Variants in SCUBE2 observed in about 807,000 individuals in gnomAD.
SCUBE2 encodes signal peptide, CUB domain and EGF like domain containing 2.
A neutral mutation model predicts 125.9 loss-of-function variants in SCUBE2; 114 were observed. That is an observed-to-expected ratio of 0.91 (90% CI 0.78 to 1.06). The LOEUF (loss-of-function observed/expected upper bound fraction) is 1.06. Ranked by LOEUF, SCUBE2 falls within the 50% of genes least tolerant of loss-of-function variation. SCUBE2 has a pLI of 0.00. For missense variants in SCUBE2, 1,255 were observed against 1,301.8 expected (o/e 0.96, Z 0.55); for synonymous variants, 459 against 492.9 (o/e 0.93, Z 0.91).
chr11:9,050,107 A>G (rs1858195962), intron 14 of SCUBE2: 1 of 153,304 alleles, frequency 6.5e-6, no homozygotes, highest in Non-Finnish European at 1.5e-5. Context: ...CAATAAGGCC[A>G]GTTCTACTTG....
chr11:9,091,337 A>G lies in SCUBE2; in HGVS notation c.133+59T>C, dbSNP rs1862706307. On this transcript the variant is annotated intron_variant, in intron 1 of 22. Coordinates refer to ENST00000649792, the MANE Select transcript of SCUBE2 (RefSeq NM_001367977.2). This position sits in a 1 kb window ranked among gnomAD's most constrained non-coding sequence, Gnocchi z 8.5. ...CGGCTCTGGACTCCGCCGGGGACCT[A>G]AACACTCTTCCTGGCCCTGCCTGCT... 5.8e-6 allele frequency: 7 copies of G among 1,216,856 alleles called. No homozygotes were observed. In the South Asian group the frequency reaches 1.8e-4, roughly 32 times the overall value. The allele number at this position is 1,216,856 out of a possible 1,614,324, so 75.4% of individuals were successfully genotyped here.
intron 7 of SCUBE2, among the ~76,000 whole-genome samples, chr11:9,064,309 A>G (rs942426252): frequency 6.6e-6 from 1 of 152,080 alleles, no homozygotes; most frequent in South Asian, 2.1e-4. Flanking sequence ...TCTACAAAAA[A>G]TACAAATATT....
chr11:9,068,125 G>C (rs962056988), intron 5 of SCUBE2, among the ~76,000 whole-genome samples: 3 of 152,080 alleles, frequency 2.0e-5, no homozygotes, highest in Admixed American at 6.5e-5. Context: ...TGCTTTGTGA[G>C]GGAGACAATG....
intron 2 of SCUBE2, among the ~76,000 whole-genome samples, chr11:9,084,119 A>G (rs796807151): frequency 3.3e-5 from 5 of 152,270 alleles, no homozygotes; most frequent in African/African-American, 1.2e-4. Flanking sequence ...AGGAGAAGCT[A>G]TAAGATGATT....
chr11:9,056,156 G>C (rs993570988), intron 9 of SCUBE2, among the ~76,000 whole-genome samples: 10 of 152,174 alleles, frequency 6.6e-5, no homozygotes, highest in African/African-American at 2.4e-4. Flanking sequence ...TCAAAACTCA[G>C]TTGGTCTCTT....
intron 2 of SCUBE2, among the ~76,000 whole-genome samples, chr11:9,080,216 G>T (rs894746809): frequency 3.3e-5 from 5 of 152,154 alleles, no homozygotes; most frequent in Non-Finnish European, 7.3e-5. Context: ...TTCAACAAAT[G>T]GCACTGGTTT....
At chr11:9,090,874 G>A (rs1862629097) in intron 1 of SCUBE2, among the ~76,000 whole-genome samples, 1 of 152,234 alleles carries the variant, frequency 6.6e-6, no homozygotes, top group Admixed American at 6.5e-5. Flanking sequence ...GTTCTCTGCT[G>A]AAAACCTAGG....
At chr11:9,052,391 G>C (rs747831401) in intron 13 of SCUBE2, among the ~76,000 whole-genome samples, 2 of 152,248 alleles carry the variant, frequency 1.3e-5, no homozygotes, top group African/African-American at 2.4e-5. Context: ...TGCTGCCCCT[G>C]CTTTGCCTAT....
intron 2 of SCUBE2, among the ~76,000 whole-genome samples, chr11:9,086,969 T>G (rs550577815): frequency 6.6e-6 from 1 of 152,052 alleles, no homozygotes; most frequent in Non-Finnish European, 1.5e-5. Context: ...GTACAAAGGA[T>G]GTATGCTCAC....
rs1425224685 is a variant in SCUBE2 at position 9,021,018 on chromosome 11, T to C, written c.*27A>G. Reference sequence around the variant, plus strand: ...GTCCCACCAACCCTATAGCAGAACATTTGTATTGAGTGGCACGTGGGCTGA... The same window carrying C: ...GTCCCACCAACCCTATAGCAGAACACTTGTATTGAGTGGCACGTGGGCTGA... On this transcript the variant is annotated 3_prime_UTR_variant, in exon 23 of 23. Coordinates refer to ENST00000649792, the MANE Select transcript of SCUBE2 (RefSeq NM_001367977.2). 1.2e-6 allele frequency: 2 copies of C among 1,605,998 alleles called. No homozygotes were observed. Among genetic ancestry groups the C allele is most frequent in the East Asian group, 2.2e-5 (1 of 44,698 alleles).
intron 16 of SCUBE2, among the ~76,000 whole-genome samples, chr11:9,034,756 G>A (rs541212146): frequency 9.9e-5 from 15 of 152,194 alleles, no homozygotes; most frequent in East Asian, 1.9e-4. Context: ...CAAGGTGGGC[G>A]GATCACCTGA....
intron 2 of SCUBE2, among the ~76,000 whole-genome samples, chr11:9,081,555 C>T (rs966225070): frequency 3.9e-5 from 6 of 152,080 alleles, no homozygotes; most frequent in African/African-American, 1.4e-4. Context: ...TCTATTATAT[C>T]ATGCCTGTAA....
At chr11:9,085,922 T>G (rs746916489) in intron 2 of SCUBE2, among the ~76,000 whole-genome samples, 5 of 151,292 alleles carry the variant, frequency 3.3e-5, no homozygotes, top group Non-Finnish European at 7.4e-5. Flanking sequence ...AACCTCCACC[T>G]CCTGGGCTCA....
intron 20 of SCUBE2, chr11:9,026,237 CTTCTGA>C (rs1855747380): frequency 6.1e-6 from 1 of 163,710 alleles, no homozygotes; most frequent in South Asian, 1.9e-4. Flanking sequence ...CTCATTTAAT[CTTCTGA>C]AAACCACAGA....
At chr11:9,090,481 A>ATT (rs1430056399) in intron 1 of SCUBE2, 23 of 49,640 alleles carry the variant, frequency 4.6e-4, no homozygotes, top group African/African-American at 7.4e-4. Flanking sequence ...TTTTTTATTT[A>ATT]TTTATTTATT....
At chr11:9,052,045 G>A (rs1049940143) in intron 13 of SCUBE2, among the ~76,000 whole-genome samples, 1 of 152,156 alleles carries the variant, frequency 6.6e-6, no homozygotes. Context: ...CTGAGCCTCA[G>A]TTTCTTCATC....
intron 7 of SCUBE2, among the ~76,000 whole-genome samples, chr11:9,061,937 G>A (rs1191157817): frequency 1.3e-5 from 2 of 152,182 alleles, no homozygotes; most frequent in Non-Finnish European, 2.9e-5. Context: ...TGAGGACGGA[G>A]TTAAGAACAG....
intron 2 of SCUBE2, among the ~76,000 whole-genome samples, chr11:9,089,500 G>C (rs1228245237): frequency 6.6e-6 from 1 of 152,200 alleles, no homozygotes; most frequent in Non-Finnish European, 1.5e-5. Flanking sequence ...TTCAGAGCCA[G>C]ATAAAACTGT....
chr11:9,020,982 A>T lies in SCUBE2; in HGVS notation c.*63T>A. On this transcript the variant is annotated 3_prime_UTR_variant, in exon 23 of 23. Coordinates refer to ENST00000649792, the MANE Select transcript of SCUBE2 (RefSeq NM_001367977.2). The stretch of plus-strand genomic sequence containing the variant: ...CCCGACTGTGCTGACATGCAGAAGG[A>T]AGACAGCTCTGTCCCACCAACCCTA... 4.0e-6 allele frequency: 6 copies of T among 1,489,702 alleles called. No individual in the cohort carries two copies. Among genetic ancestry groups the T allele is most frequent in the Non-Finnish European group, 5.5e-6 (6 of 1,098,460 alleles). 92.3% of individuals were successfully genotyped at this position (1,489,702 alleles called of 1,614,324 possible).
Sources: allele counts gnomAD v4.1 joint callset (sites outside exome capture counted in the v4.1 genomes callset), GRCh38; gene constraint gnomAD v4.1.1; non-coding constraint Gnocchi (gnomAD v3.1); transcripts MANE v1.5; gene names NCBI Gene and HGNC (gene_info 2026-07-23, HGNC 2026-07-21).